Variants in ASTN2 observed in about 807,000 individuals in gnomAD.
ASTN2 encodes astrotactin-2.
In ASTN2, 54 loss-of-function variants were observed where a neutral mutation model predicts 139.8. That is an observed-to-expected ratio of 0.39 (90% CI 0.31 to 0.48). The LOEUF (loss-of-function observed/expected upper bound fraction) is 0.48. Among genes scored for constraint, ASTN2 ranks in the 20% least tolerant of loss-of-function variants. The probability of loss-of-function intolerance (pLI) is 0.95; values close to 1 mark genes in which losing one functional copy is unlikely to be tolerated. For synonymous variants in ASTN2, 756 were observed against 719.5 expected (o/e 1.05, Z -0.81); for missense variants, 1,565 against 1,725.1 (o/e 0.91, Z 1.64).
intron 20 of ASTN2, among the ~76,000 whole-genome samples, chr9:116,465,197 C>G (rs149386299): frequency 6.6e-6 from 1 of 152,216 alleles, no homozygotes; most frequent in African/African-American, 2.4e-5. Flanking sequence ...TTCACTACAG[C>G]CAGCAGGTTT....
At chr9:116,535,661 A>C (rs143141828) in intron 19 of ASTN2, among the ~76,000 whole-genome samples, 117 of 152,194 alleles carry the variant, frequency 7.7e-4, no homozygotes, top group African/African-American at 2.6e-3. Context: ...AAATTCTTTT[A>C]TTTAAGAATG....
chr9:116,696,162 C>A (rs1860840648), intron 16 of ASTN2, among the ~76,000 whole-genome samples: 1 of 152,136 alleles, frequency 6.6e-6, no homozygotes, highest in Non-Finnish European at 1.5e-5. Context: ...GAAAATGACG[C>A]TCAAAAATCT....
intron 13 of ASTN2, among the ~76,000 whole-genome samples, chr9:116,778,662 A>C (rs940110927): frequency 3.9e-5 from 6 of 152,186 alleles, no homozygotes; most frequent in Admixed American, 3.9e-4. Flanking sequence ...CAAGGAACCC[A>C]GTGCACCCAT....
intron 1 of ASTN2, among the ~76,000 whole-genome samples, chr9:117,302,423 G>A (rs542128687): frequency 3.3e-4 from 51 of 152,244 alleles, no homozygotes; most frequent in Non-Finnish European, 5.4e-4. Context: ...GAAGAACAAC[G>A]AGACAAGGAT....
intron 19 of ASTN2, among the ~76,000 whole-genome samples, chr9:116,588,374 T>C (rs543337452): frequency 9.8e-5 from 15 of 152,340 alleles, no homozygotes; most frequent in South Asian, 2.1e-4. Context: ...ATGGAGCAGA[T>C]TGACAGACCT....
chr9:117,271,546 C>T (rs1386050415), intron 2 of ASTN2, among the ~76,000 whole-genome samples: 1 of 152,160 alleles, frequency 6.6e-6, no homozygotes, highest in Admixed American at 6.5e-5. Flanking sequence ...TCAAAGTCCA[C>T]AGTCCAAAGT....
intron 16 of ASTN2, among the ~76,000 whole-genome samples, chr9:116,652,083 G>T (rs1857949390): frequency 6.6e-6 from 1 of 152,058 alleles, no homozygotes; most frequent in African/African-American, 2.4e-5. Flanking sequence ...CAGCACTTTG[G>T]GAGGCTGAGG....
chr9:116,898,859 G>T (rs1299623049), intron 10 of ASTN2, among the ~76,000 whole-genome samples: 1 of 152,070 alleles, frequency 6.6e-6, no homozygotes, highest in Non-Finnish European at 1.5e-5. Context: ...ATTTTGTAGA[G>T]ATGGGTCTCA....
intron 3 of ASTN2, chr9:117,181,347 T>C (rs1011240302): frequency 1.1e-5 from 4 of 372,716 alleles, no homozygotes; most frequent in African/African-American, 6.2e-5. Flanking sequence ...AGAGCTAAGA[T>C]TGGGTTCTGG....
chr9:116,768,619 G>A (rs1489812398), intron 13 of ASTN2, among the ~76,000 whole-genome samples: 4 of 152,306 alleles, frequency 2.6e-5, no homozygotes, highest in Middle Eastern at 3.4e-3. Flanking sequence ...ATTAGAAGGT[G>A]AGGCCTTTGG....
intron 17 of ASTN2, among the ~76,000 whole-genome samples, chr9:116,647,791 C>G (rs772096377): frequency 1.3e-5 from 2 of 152,180 alleles, no homozygotes; most frequent in Non-Finnish European, 2.9e-5. Flanking sequence ...TGATACAACA[C>G]TAGTCGAACC....
At chr9:117,409,276 A>AT (rs1439476679) in intron 1 of ASTN2, among the ~76,000 whole-genome samples, 1 of 152,074 alleles carries the variant, frequency 6.6e-6, no homozygotes, top group Non-Finnish European at 1.5e-5. Context: ...ATTTATAAGG[A>AT]TTTTTTCCTC....
rs573726536 is a variant in ASTN2 at position 116,563,844 on chromosome 9, G to C, written c.3355+54480C>G. 5.3e-5 allele frequency among the ~76,000 whole-genome samples: 8 copies of C among 152,284 alleles called. No homozygotes were observed. The South Asian group carries it at 1.7e-3, about 32-fold the overall frequency. Reference sequence around the variant, plus strand: ...CGTTCCAGAATGCTGGCTCCATGAAGACAAGGAGTTTTCTCTCTTTGGTTA... The same window carrying C: ...CGTTCCAGAATGCTGGCTCCATGAACACAAGGAGTTTTCTCTCTTTGGTTA... On this transcript the variant is annotated intron_variant, in intron 19 of 22. Transcript: ENST00000313400.
At chr9:117,248,083 A>G (rs1161984471) in intron 2 of ASTN2, among the ~76,000 whole-genome samples, 2 of 152,204 alleles carry the variant, frequency 1.3e-5, no homozygotes, top group African/African-American at 4.8e-5. Context: ...GAACACTGTC[A>G]TGTGTCAGTC....
intron 5 of ASTN2, among the ~76,000 whole-genome samples, chr9:117,065,708 T>C (rs1238020261): frequency 6.6e-6 from 1 of 152,190 alleles, no homozygotes; most frequent in African/African-American, 2.4e-5. Context: ...TACTCTTACT[T>C]CTTTGTCAAT....
chr9:117,393,309 T>C (rs913466624), intron 1 of ASTN2, among the ~76,000 whole-genome samples: 8 of 151,922 alleles, frequency 5.3e-5, no homozygotes, highest in Admixed American at 2.0e-4. Flanking sequence ...TAAAGAGAAC[T>C]TGAGATTGTT....
chr9:116,481,490 T>C (rs188215197), intron 20 of ASTN2, among the ~76,000 whole-genome samples: 94 of 152,316 alleles, frequency 6.2e-4, no homozygotes, highest in African/African-American at 2.1e-3. Context: ...AGGCCTAATT[T>C]AAAATTATGT....
intron 1 of ASTN2, among the ~76,000 whole-genome samples, chr9:117,326,111 G>A (rs1025126781): frequency 1.1e-4 from 16 of 152,088 alleles, no homozygotes; most frequent in African/African-American, 3.4e-4. Flanking sequence ...AAGAGAAGCT[G>A]GAAATCCAGC....
intron 11 of ASTN2, among the ~76,000 whole-genome samples, chr9:116,823,458 A>T (rs908821812): frequency 3.3e-5 from 5 of 152,214 alleles, no homozygotes; most frequent in African/African-American, 1.2e-4. Flanking sequence ...GCTGACTGAC[A>T]TCTAGTTTTA....
Sources: gnomAD v4.1 joint callset for allele counts (sites outside exome capture counted in the v4.1 genomes callset) on GRCh38, gnomAD v4.1.1 for gene constraint, MANE v1.5 for transcripts, NCBI Gene and HGNC (gene_info 2026-07-23, HGNC 2026-07-21) for gene names.